Variants in RNF20 observed in about 807,000 individuals in gnomAD.
RNF20 encodes the protein E3 ubiquitin-protein ligase BRE1A.
Under a neutral mutation model 126.2 loss-of-function variants are expected in RNF20, and 84 were observed. That is an observed-to-expected ratio of 0.67 (90% CI 0.56 to 0.80). The LOEUF is 0.80. Among genes scored for constraint, RNF20 ranks in the 30% least tolerant of loss-of-function variants. The pLI, the probability that RNF20 is intolerant of heterozygous loss-of-function variation, is 0.00. For synonymous variants in RNF20, 400 were observed against 414.3 expected, an observed-to-expected ratio of 0.97 and a Z score of 0.42; for missense variants, 869 against 1,188.2, an observed-to-expected ratio of 0.73 and a Z score of 3.95.
Position 101,562,532 on chromosome 9 carries a change from A to G in RNF20, c.*110A>G. The G allele has an allele frequency of 9.8e-7, 1 of 1,025,024 alleles. No individual in the cohort carries two copies. The highest frequency in any genetic ancestry group is 1.8e-5 in the South Asian group (1 of 55,624). The allele number at this position is 1,025,024 out of a possible 1,614,324, so 63.5% of individuals were successfully genotyped here. On this transcript the variant is annotated 3_prime_UTR_variant, in exon 20 of 20. Transcript: ENST00000389120. ...TCACCTGTAGGACAGTTTATCAGTC[A>G]ACTACCTTTCCTCCAGACTTTACTT...
Position 101,544,755 on chromosome 9 carries a change from C to T in RNF20, c.629-12C>T, listed in dbSNP as rs770974984. The T allele has an allele frequency of 6.6e-7, 1 of 1,513,048 alleles. No homozygotes were observed. The allele number at this position is 1,513,048 out of a possible 1,614,324, so 93.7% of individuals were successfully genotyped here. A position where few individuals can be genotyped will look rare whatever the true frequency, so the allele number is the denominator to read the frequency against. ...CTAGATGCTAAATTAAAGTATAGTT[C>T]TTCTTCCCCAGATAATCTGATAGTG... On this transcript the variant is annotated splice_polypyrimidine_tract_variant and intron_variant, in intron 5 of 19. Transcript: ENST00000389120.
chr9:101,562,474 C>T lies in RNF20; in HGVS notation c.*52C>T. On this transcript the variant is annotated 3_prime_UTR_variant, in exon 20 of 20. Transcript: ENST00000389120. ...GGCTAGTCAGGAACTTATTCATTAA[C>T]CACCAAACCTCTACCTCTTCTCTCC... The T allele has an allele frequency of 6.6e-7, 1 of 1,523,686 alleles. No homozygotes were observed. Among genetic ancestry groups the T allele is most frequent in the Non-Finnish European group, 8.9e-7 (1 of 1,124,906 alleles). The allele number at this position is 1,523,686 out of a possible 1,614,324, so 94.4% of individuals were successfully genotyped here.
intron 15 of RNF20, 44 bp from the exon 16 acceptor site, chr9:101,557,340 T>C: frequency 7.1e-7 from 1 of 1,418,222 alleles, no homozygotes; most frequent in Non-Finnish European, 9.9e-7. Context: ...TCCATTGAAG[T>C]TGGAAGATTC....
At chr9:101,549,867 A>G (rs1422491979) in intron 9 of RNF20, among the ~76,000 whole-genome samples, 1 of 152,208 alleles carries the variant, frequency 6.6e-6, no homozygotes, top group East Asian at 1.9e-4. Flanking sequence ...ATAAAGAGTA[A>G]TTGCTACAAA....
chr9:101,534,909 CTTT>C (rs200245240), intron 1 of RNF20, among the ~76,000 whole-genome samples: 7 of 139,792 alleles, frequency 5.0e-5, no homozygotes, highest in Admixed American at 7.1e-5. Flanking sequence ...CCTTGACTTT[CTTT>C]TTTTTTTTTT....
chr9:101,560,929 A>G lies in RNF20; in HGVS notation c.2508+3A>G. On this transcript the variant is annotated splice_donor_region_variant and intron_variant, in intron 17 of 19. Transcript: ENST00000389120. ...CCTTAGAGATGAATAAACGCAAGGTATGATTGATTAATCTAATGATGGTTA... is the reference window on the plus strand; with the variant it reads ...CCTTAGAGATGAATAAACGCAAGGTGTGATTGATTAATCTAATGATGGTTA... 2 of 1,609,222 alleles carry G rather than the reference A, an allele frequency of 1.2e-6. No individual in the cohort carries two copies. Among genetic ancestry groups the G allele is most frequent in the East Asian group, 2.2e-5 (1 of 44,866 alleles).
At chr9:101,549,667 C>T (rs1276561206) in intron 9 of RNF20, among the ~76,000 whole-genome samples, 2 of 152,084 alleles carry the variant, frequency 1.3e-5, no homozygotes, top group Admixed American at 6.5e-5. Flanking sequence ...CACCTGGTAA[C>T]GGGCGTCTTC....
chr9:101,552,568 A>G lies in RNF20; in HGVS notation c.1716A>G (p.Glu572=). 6.2e-7 allele frequency: 1 copy of G among 1,605,662 alleles called. No individual in the cohort carries two copies. Among genetic ancestry groups the G allele is most frequent in the Non-Finnish European group, 8.5e-7 (1 of 1,172,358 alleles). The change falls in exon 13 of 20, where the codon GAA becomes GAG. Residue 572 remains glutamate (E), a synonymous_variant. Coordinates refer to ENST00000389120, the MANE Select transcript of RNF20 (RefSeq NM_019592.7). ...SKRDEEERER[E]RREKERERER... is the part of the protein sequence containing the mutation. The stretch of plus-strand genomic sequence containing the variant: ...GGGATGAAGAAGAACGAGAACGAGA[A>G]AGGAGGGAGAAGGAGAGGGAACGAG...
intron 9 of RNF20, among the ~76,000 whole-genome samples, chr9:101,549,535 C>T (rs1827408382): frequency 6.6e-6 from 1 of 152,104 alleles, no homozygotes; most frequent in Non-Finnish European, 1.5e-5. Context: ...TCAGGCCCTC[C>T]ACAAGAGGTG....
rs1827621312 is a variant in RNF20, at chr9:101,561,104, C to G, written c.2523C>G (p.Ala841=). The part of the protein sequence containing the change: ...EMNKRKAMEA[A]QLADDLKAQL... ...ATCCTACATAGGCAATGGAGGCAGCCCAGCTTGCAGATGACCTCAAAGCAC... is the reference window on the plus strand; with the variant it reads ...ATCCTACATAGGCAATGGAGGCAGCGCAGCTTGCAGATGACCTCAAAGCAC... The change falls in exon 18 of 20, where the codon GCC becomes GCG. Residue 841 remains alanine, a synonymous_variant. Coordinates refer to ENST00000389120, the MANE Select transcript of RNF20 (RefSeq NM_019592.7). 1 of 1,613,710 alleles carries G rather than the reference C, an allele frequency of 6.2e-7. No homozygotes were observed. The highest frequency in any genetic ancestry group is 8.5e-7 in the Non-Finnish European group (1 of 1,179,778).
intron 9 of RNF20, among the ~76,000 whole-genome samples, chr9:101,549,880 G>A (rs147628160): frequency 0.013 from 2,037 of 152,242 alleles, 24 homozygotes; most frequent in Middle Eastern, 0.027. Flanking sequence ...GCTACAAACT[G>A]ATGATTAATG....
intron 5 of RNF20, 45 bp from the exon 6 acceptor site, chr9:101,544,722 A>G (rs188157983): frequency 2.3e-5 from 30 of 1,291,582 alleles, no homozygotes; most frequent in Admixed American, 2.2e-4. Flanking sequence ...AAAAAAAAAA[A>G]TGACACTCTA....
chr9:101,540,648 G>T lies in RNF20; in HGVS notation c.445+11G>T, dbSNP rs192822144. 6.2e-7 allele frequency: 1 copy of T among 1,613,862 alleles called. No homozygotes were observed. Among genetic ancestry groups the T allele is most frequent in the South Asian group, 1.1e-5 (1 of 91,064 alleles). On this transcript the variant is annotated intron_variant, in intron 4 of 19. Coordinates refer to ENST00000389120, the MANE Select transcript of RNF20 (RefSeq NM_019592.7). ...ATGACCGAGAGAGAGGCAAGTGTTC[G>T]TGATGGATTCTATCACTGCATGCTA...
chr9:101,560,811 A>G lies in RNF20; in HGVS notation c.2393A>G (p.Gln798Arg), dbSNP rs1177734060. ...VLTLKTQVDA[Q>R]LQVVRKLEEK... ...ATTTTCTGTTCAAAGGTTGATGCCC[A>G]GCTACAGGTAGTAAGGAAACTGGAA... is the stretch of plus-strand genomic sequence containing the variant. Residue 798 changes from glutamine (Q) to arginine (R), a missense_variant, in exon 17 of 20, where the codon CAG (glutamine) becomes CGG (arginine). By Grantham distance (43) the Gln-to-Arg change is conservative (BLOSUM62 1). Coordinates refer to ENST00000389120, the MANE Select transcript of RNF20 (RefSeq NM_019592.7). The G allele has an allele frequency of 3.1e-6, 5 of 1,609,760 alleles. No individual in the cohort carries two copies. Among genetic ancestry groups the G allele is most frequent in the Non-Finnish European group, 3.4e-6 (4 of 1,178,596 alleles).
rs1827469887 is a variant in RNF20 at position 101,552,744 on chromosome 9, T to C, written c.1892T>C (p.Ile631Thr). Residue 631 changes from isoleucine (I) to threonine (T), a missense_variant, in exon 13 of 20, where the codon ATT (isoleucine) becomes ACT (threonine). Physicochemically the swap from Ile to Thr is moderately conservative, Grantham distance 89. Coordinates refer to ENST00000389120, the MANE Select transcript of RNF20 (RefSeq NM_019592.7). ...GCAGAAATTATCAAACAATTGAAGA[T>C]TGAACTCAAGTAAGAACCACATTTA... ...KEAEIIKQLK[I>T]ELKKAQESQK... The C allele has an allele frequency of 4.4e-6, 7 of 1,606,128 alleles. No homozygotes were observed. The highest frequency in any genetic ancestry group is 1.3e-5 in the African/African-American group (1 of 74,432).
rs1471824391 is a variant in RNF20, at chr9:101,557,516, A to G, written c.2302A>G (p.Ile768Val). The G allele has an allele frequency of 5.0e-6, 8 of 1,614,078 alleles. No individual in the cohort carries two copies. The highest frequency in any genetic ancestry group is 6.8e-6 in the Non-Finnish European group (8 of 1,179,930). The change falls in exon 16 of 20, where the codon ATC (isoleucine) becomes GTC (valine). Residue 768 changes from isoleucine (I) to valine (V), a missense_variant. By Grantham distance (29) the Ile-to-Val change is conservative. This residue lies in a region of RNF20 where 150 missense variants were observed against 173.7 expected (regional missense o/e 0.86). Coordinates refer to ENST00000389120, the MANE Select transcript of RNF20 (RefSeq NM_019592.7). ...AAATTTCAAGCTCATGTCAGAGCGT[A>G]TCAAGTCCAATCAGATCCATAAGTT... ...DANFKLMSERIKSNQIHKLLK... is the reference protein window; with the variant it reads ...DANFKLMSERVKSNQIHKLLK...
intron 16 of RNF20, among the ~76,000 whole-genome samples, chr9:101,558,721 T>G (rs1165263822): frequency 6.6e-6 from 1 of 152,196 alleles, no homozygotes; most frequent in Non-Finnish European, 1.5e-5. Flanking sequence ...AATTGTATAT[T>G]CATGTCCTTA....
chr9:101,547,375 C>T, intron 8 of RNF20, 24 bp from the exon 9 acceptor site: 2 of 1,613,244 alleles, frequency 1.2e-6, no homozygotes. Context: ...CTTATTTATT[C>T]TCTATTTTTC....
At position 101,544,848 on chromosome 9, in the gene RNF20, A is replaced by C; in HGVS notation, c.710A>C (p.Asp237Ala). 6.2e-7 allele frequency: 1 copy of C among 1,613,816 alleles called. No homozygotes were observed. ...QENMRLQELT[D>A]LLQEKHRTMS... ...AATATGAGGCTACAGGAATTGACAG[A>C]TCTTCTTCAGGAAAAGCATCGCACC... Residue 237 changes from aspartate to alanine, a missense_variant, in exon 6 of 20, where the codon GAT becomes GCT. Asp to Ala is a moderately radical substitution (Grantham distance 126). Transcript: ENST00000389120.
Sources: allele counts gnomAD v4.1 joint callset (sites outside exome capture counted in the v4.1 genomes callset), GRCh38; gene constraint gnomAD v4.1.1; regional missense constraint gnomAD v4.1.1; transcripts MANE v1.5; gene names NCBI Gene and HGNC (gene_info 2026-07-23, HGNC 2026-07-21).